The following CA10 variants were observed in gnomAD, a reference collection of about 807,000 sequenced individuals.
CA10 encodes carbonic anhydrase-related protein 10.
Under a neutral mutation model 44.2 loss-of-function variants are expected in CA10, and 14 were observed. That is an observed-to-expected ratio of 0.32 (90% CI 0.21 to 0.50). The LOEUF (loss-of-function observed/expected upper bound fraction) is 0.50. CA10 is among the 20% of genes least tolerant of loss of function. The pLI is 0.99. For missense variants in CA10, 350 were observed against 409.7 expected (o/e 0.85, Z 1.26); for synonymous variants, 159 against 141.6 (o/e 1.12, Z -0.87).
At chr17:51,868,860 T>A (rs2143856697) in intron 3 of CA10, among the ~76,000 whole-genome samples, 1 of 151,742 alleles carries the variant, frequency 6.6e-6, no homozygotes, top group Admixed American at 6.6e-5. Context: ...AGAAAGAAAT[T>A]CAAGTTAGCT....
intron 3 of CA10, among the ~76,000 whole-genome samples, chr17:51,817,114 T>C (rs909252996): frequency 6.6e-6 from 1 of 152,188 alleles, no homozygotes; most frequent in Non-Finnish European, 1.5e-5. Flanking sequence ...AAGAATCTTA[T>C]CCACACAGGA....
At chr17:52,037,589 C>T (rs1388343077) in intron 2 of CA10, among the ~76,000 whole-genome samples, 1 of 152,064 alleles carries the variant, frequency 6.6e-6, no homozygotes, top group Non-Finnish European at 1.5e-5. Context: ...ACAAAATACC[C>T]TCCTCCTAAA....
At chr17:52,125,123 G>A (rs1046596890) in intron 1 of CA10, among the ~76,000 whole-genome samples, 1 of 152,200 alleles carries the variant, frequency 6.6e-6, no homozygotes, top group Non-Finnish European at 1.5e-5. Context: ...TGGTGTTTGT[G>A]AGGTCTTAGC....
chr17:51,779,187 G>A (rs1039281077), intron 3 of CA10, among the ~76,000 whole-genome samples: 2 of 152,138 alleles, frequency 1.3e-5, no homozygotes, highest in Non-Finnish European at 2.9e-5. Flanking sequence ...AGAAAGGTAA[G>A]TGCCTCGAGA....
intron 3 of CA10, among the ~76,000 whole-genome samples, chr17:51,897,662 G>A (rs1227600056): frequency 6.6e-6 from 1 of 152,076 alleles, no homozygotes; most frequent in Non-Finnish European, 1.5e-5. Flanking sequence ...GGGCATTATG[G>A]CCATTTTAAC....
At chr17:51,920,378 G>A (rs1982180363) in intron 3 of CA10, among the ~76,000 whole-genome samples, 1 of 151,762 alleles carries the variant, frequency 6.6e-6, no homozygotes, top group Non-Finnish European at 1.5e-5. Flanking sequence ...GGAGGGAGGA[G>A]GTTGGAGATA....
intron 1 of CA10, among the ~76,000 whole-genome samples, chr17:52,118,869 A>G (rs761522784): frequency 6.6e-6 from 1 of 152,106 alleles, no homozygotes. Context: ...TGTTCAAAAG[A>G]TGGTTTATAA....
chr17:51,700,524 T>C (rs1010305148), intron 4 of CA10, among the ~76,000 whole-genome samples: 8 of 152,166 alleles, frequency 5.3e-5, no homozygotes, highest in Admixed American at 5.2e-4. Flanking sequence ...ACCTGCTTCC[T>C]CTGCTGCCAC....
intron 3 of CA10, among the ~76,000 whole-genome samples, chr17:51,759,760 C>T (rs1390965322): frequency 6.6e-6 from 1 of 152,010 alleles, no homozygotes; most frequent in Admixed American, 6.6e-5. Context: ...TCTGACAGTT[C>T]TTCAGTGCAG....
At chr17:51,892,453 G>C (rs79345675) in intron 3 of CA10, among the ~76,000 whole-genome samples, 14 of 152,278 alleles carry the variant, frequency 9.2e-5, no homozygotes, top group African/African-American at 3.4e-4. Flanking sequence ...TCAGAGAAAG[G>C]TAGAGATAAG....
At chr17:51,917,269 G>A (rs1041829042) in intron 3 of CA10, among the ~76,000 whole-genome samples, 25 of 152,340 alleles carry the variant, frequency 1.6e-4, no homozygotes, top group African/African-American at 5.8e-4. Flanking sequence ...TGAAAGGCAG[G>A]ATAAGCCAGC....
intron 3 of CA10, among the ~76,000 whole-genome samples, chr17:51,830,698 C>T (rs116884129): frequency 2.4e-3 from 361 of 152,212 alleles, no homozygotes; most frequent in Non-Finnish European, 4.4e-3. Context: ...TTACTTAACA[C>T]CTGACAGAGG....
intron 2 of CA10, among the ~76,000 whole-genome samples, chr17:51,975,230 C>T (rs566320769): frequency 6.6e-5 from 10 of 151,980 alleles, no homozygotes; most frequent in Admixed American, 2.0e-4. Flanking sequence ...GCAAACAGAA[C>T]AAATAGAAAG....
chr17:51,835,578 C>T lies in CA10; in HGVS notation c.280-87760G>A, dbSNP rs566858408. 3.9e-5 allele frequency among the ~76,000 whole-genome samples: 6 copies of T among 152,264 alleles called. No homozygotes were observed. The East Asian group carries it at 5.8e-4, about 15-fold the overall frequency. ...AATGAAATTAGGTTTCTAAGAAAGG[C>T]GTTGTTATCTTTCGATTCAACAAAA... On this transcript the variant is annotated intron_variant, in intron 3 of 8. Transcript: ENST00000451037.
intron 4 of CA10, among the ~76,000 whole-genome samples, chr17:51,692,415 CTA>C (rs1915240816): frequency 8.3e-6 from 1 of 120,948 alleles, no homozygotes; most frequent in Non-Finnish European, 1.9e-5. Flanking sequence ...ATCTATCTAT[CTA>C]TCTATCTATT....
At chr17:51,795,995 T>G (rs1223757903) in intron 3 of CA10, among the ~76,000 whole-genome samples, 2 of 152,206 alleles carry the variant, frequency 1.3e-5, no homozygotes, top group Non-Finnish European at 2.9e-5. Flanking sequence ...GAGCTTTATT[T>G]TATAGAACGG....
intron 3 of CA10, among the ~76,000 whole-genome samples, chr17:51,871,383 C>G (rs1358750532): frequency 6.7e-6 from 1 of 148,202 alleles, no homozygotes; most frequent in African/African-American, 2.5e-5. Flanking sequence ...AGGTGCCCAC[C>G]ACCAGGCCTA....
chr17:51,996,735 C>T (rs1183072212), intron 2 of CA10, among the ~76,000 whole-genome samples: 1 of 151,910 alleles, frequency 6.6e-6, no homozygotes, highest in Non-Finnish European at 1.5e-5. Context: ...GAAATCATGC[C>T]CACTTGGCCT....
intron 1 of CA10, among the ~76,000 whole-genome samples, chr17:52,112,669 G>C (rs996389471): frequency 1.3e-5 from 2 of 152,172 alleles, no homozygotes. Context: ...GGAAGATTGA[G>C]TAAGTTTAAA....
Sources: gnomAD v4.1 joint callset for allele counts (sites outside exome capture counted in the v4.1 genomes callset) on GRCh38, gnomAD v4.1.1 for gene constraint, MANE v1.5 for transcripts, NCBI Gene and HGNC (gene_info 2026-07-23, HGNC 2026-07-21) for gene names.